SAMD12: variants seen among roughly 807,000 people sequenced by gnomAD.
SAMD12 encodes sterile alpha motif domain containing 12, also known as sterile alpha motif domain-containing protein 12.
SAMD12 carries 9 observed loss-of-function variants against 15.0 expected under a neutral mutation model. The observed-to-expected ratio is 0.60, with a 90% CI of 0.36 to 1.05. SAMD12 has a LOEUF of 1.05. SAMD12 is among the 50% of genes least tolerant of loss of function. The probability of loss-of-function intolerance (pLI) is 0.01; values close to 1 mark genes in which losing one functional copy is unlikely to be tolerated. For missense variants in SAMD12, 230 were observed against 234.2 expected (o/e 0.98, Z 0.12); for synonymous variants, 86 against 90.1 (o/e 0.96, Z 0.25).
At chr8:118,379,794 A>G (rs1411119581) in intron 3 of SAMD12, 94 bp from the exon 4 acceptor site, 1 of 1,460,558 alleles carries the variant, frequency 6.8e-7, no homozygotes, top group Non-Finnish European at 9.2e-7. Context: ...CCATCACAGA[A>G]GTTTCTACCT....
At chr8:118,539,377 A>C (rs1283576870) in intron 2 of SAMD12, among the ~76,000 whole-genome samples, 1 of 152,228 alleles carries the variant, frequency 6.6e-6, no homozygotes, top group Non-Finnish European at 1.5e-5. Flanking sequence ...CTAGAAGAAG[A>C]GTATGGCTGA....
chr8:118,558,757 C>A (rs1426391501), intron 2 of SAMD12, among the ~76,000 whole-genome samples: 1 of 152,070 alleles, frequency 6.6e-6, no homozygotes, highest in Non-Finnish European at 1.5e-5. Flanking sequence ...ACGGGTTTCA[C>A]TGTGTTAGCC....
intron 4 of SAMD12, among the ~76,000 whole-genome samples, chr8:118,258,820 C>T (rs1813012343): frequency 6.6e-6 from 1 of 152,036 alleles, no homozygotes. Flanking sequence ...CGCAGTGATA[C>T]CAGCTTTGCC....
At chr8:118,604,846 CGG>C (rs1827947753) in intron 1 of SAMD12, among the ~76,000 whole-genome samples, 1 of 151,926 alleles carries the variant, frequency 6.6e-6, no homozygotes, top group African/African-American at 2.4e-5. Context: ...GGCATGAACC[CGG>C]GGGACGGAGC....
At chr8:118,196,210 T>C (rs1398222861) in exon 5 of SAMD12, 2 of 152,226 alleles carry the variant, frequency 1.3e-5, no homozygotes, top group East Asian at 3.9e-4. Flanking sequence ...ACAATGCTTA[T>C]GTATCTGGAG....
At position 118,551,107 on chromosome 8, in the gene SAMD12, G is replaced by C. The variant is rs768401163; in HGVS notation, c.192+29608C>G. ...CTTTAACACCCCACTGTCAACATTA[G>C]ACAGATCAACGGGACAGAAAGTCAA... On this transcript the variant is annotated intron_variant, in intron 2 of 3. Transcript: ENST00000314727. Among the ~76,000 whole-genome samples the C allele has an allele frequency of 3.2e-4, 49 of 152,242 alleles. 1 individual carries two copies. Among genetic ancestry groups the C allele is most frequent in the Non-Finnish European group, 5.4e-4 (37 of 68,032 alleles).
chr8:118,310,559 T>C (rs1815577808), intron 4 of SAMD12, among the ~76,000 whole-genome samples: 1 of 152,218 alleles, frequency 6.6e-6, no homozygotes, highest in African/African-American at 2.4e-5. Context: ...CAGAGGCAGT[T>C]GCAATGCTGG....
intron 4 of SAMD12, among the ~76,000 whole-genome samples, chr8:118,364,481 G>A (rs974214687): frequency 4.6e-5 from 7 of 152,096 alleles, no homozygotes; most frequent in Admixed American, 2.6e-4. Context: ...TATGACAAGC[G>A]AACTCCTTAA....
At chr8:118,418,899 T>G (rs1405855789) in intron 3 of SAMD12, among the ~76,000 whole-genome samples, 2 of 152,242 alleles carry the variant, frequency 1.3e-5, no homozygotes, top group Non-Finnish European at 2.9e-5. Context: ...GACATTTTGC[T>G]AATTATCTCA....
chr8:118,229,152 C>T (rs1006876722), intron 4 of SAMD12, among the ~76,000 whole-genome samples: 14 of 151,708 alleles, frequency 9.2e-5, no homozygotes, highest in Admixed American at 4.6e-4. Flanking sequence ...GGGAGGGGGG[C>T]GAGGGATAAA....
intron 1 of SAMD12, among the ~76,000 whole-genome samples, chr8:118,617,005 A>G (rs1218724385): frequency 6.6e-6 from 1 of 152,210 alleles, no homozygotes; most frequent in Non-Finnish European, 1.5e-5. Flanking sequence ...TCTTCCATGA[A>G]TCTGATCCCT....
chr8:118,548,065 T>C (rs2131168770), intron 2 of SAMD12, among the ~76,000 whole-genome samples: 1 of 152,232 alleles, frequency 6.6e-6, no homozygotes, highest in African/African-American at 2.4e-5. Context: ...GAGGACCTTA[T>C]TTCTTTCTCA....
In SAMD12 at chr8:118,378,902, G is replaced by T; in HGVS notation, c.*515C>A. Reference sequence around the variant, plus strand: ...CATATTGAAGTTATTTATAATTCCTGTTAAGAATTATATACTCTTAACAGT... The same window carrying T: ...CATATTGAAGTTATTTATAATTCCTTTTAAGAATTATATACTCTTAACAGT... On this transcript the variant is annotated 3_prime_UTR_variant, in exon 4 of 4. Coordinates refer to ENST00000314727, the MANE Select transcript of SAMD12 (RefSeq NM_207506.3). The T allele has an allele frequency of 1.1e-6, 1 of 947,058 alleles. No individual in the cohort carries two copies. The highest frequency in any genetic ancestry group is 1.3e-6 in the Non-Finnish European group (1 of 795,036). The allele number at this position is 947,058 out of a possible 1,614,324, so 58.7% of individuals were successfully genotyped here. A position where few individuals can be genotyped will look rare whatever the true frequency, so the allele number is the denominator to read the frequency against.
intron 4 of SAMD12, among the ~76,000 whole-genome samples, chr8:118,306,357 T>G (rs889904861): frequency 6.6e-6 from 1 of 152,180 alleles, no homozygotes; most frequent in Non-Finnish European, 1.5e-5. Context: ...TCTCAGCCTC[T>G]TTTGTAGTTT....
At chr8:118,605,051 G>A (rs987301897) in intron 1 of SAMD12, among the ~76,000 whole-genome samples, 2 of 152,206 alleles carry the variant, frequency 1.3e-5, no homozygotes, top group Non-Finnish European at 2.9e-5. Flanking sequence ...ATAACAATGA[G>A]TTTACAAGTA....
intron 2 of SAMD12, among the ~76,000 whole-genome samples, chr8:118,441,546 CTGTGA>C (rs1191795136): frequency 4.6e-5 from 7 of 151,884 alleles, no homozygotes; most frequent in Admixed American, 3.9e-4. Flanking sequence ...TTATTTTGTA[CTGTGA>C]TATTTTTCTT....
chr8:118,431,910 T>C (rs1822430382), intron 3 of SAMD12, among the ~76,000 whole-genome samples: 1 of 152,168 alleles, frequency 6.6e-6, no homozygotes, highest in Non-Finnish European at 1.5e-5. Flanking sequence ...AGTCCCACAA[T>C]TCTTGGATGT....
intron 2 of SAMD12, among the ~76,000 whole-genome samples, chr8:118,500,338 A>C (rs1397362027): frequency 6.6e-6 from 1 of 151,440 alleles, no homozygotes; most frequent in Admixed American, 6.6e-5. Context: ...TTGGCCTCCC[A>C]AAGTGCTGGG....
chr8:118,543,631 C>CTTTT (rs397978436), intron 2 of SAMD12, among the ~76,000 whole-genome samples: 45 of 116,552 alleles, frequency 3.9e-4, no homozygotes, highest in Non-Finnish European at 5.5e-4. Context: ...TTCTTTCTTT[C>CTTTT]TTTTTTTTTT....
Sources: allele counts gnomAD v4.1 joint callset (sites outside exome capture counted in the v4.1 genomes callset), GRCh38; gene constraint gnomAD v4.1.1; transcripts MANE v1.5; gene names NCBI Gene and HGNC (gene_info 2026-07-23, HGNC 2026-07-21).